Variants in DNER observed in about 807,000 individuals in gnomAD.
DNER encodes delta and Notch-like epidermal growth factor-related receptor.
In DNER, 33 loss-of-function variants were observed where a neutral mutation model predicts 78.2. The ratio of observed to expected loss-of-function variants is 0.42; its 90% CI spans 0.32 to 0.56. DNER has a LOEUF of 0.56. DNER is among the 20% of genes least tolerant of loss of function. The probability of loss-of-function intolerance (pLI) is 0.11; values close to 1 mark genes in which losing one functional copy is unlikely to be tolerated. For synonymous variants in DNER, 417 were observed against 384.8 expected (o/e 1.08, Z -0.98); for missense variants, 918 against 975.3 (o/e 0.94, Z 0.78).
At chr2:229,563,545 A>G (rs1265770799) in intron 4 of DNER, among the ~76,000 whole-genome samples, 1 of 127,134 alleles carries the variant, frequency 7.9e-6, no homozygotes, top group Non-Finnish European at 1.6e-5. Flanking sequence ...TCATCACCCC[A>G]TCACCATCAT....
chr2:229,422,863 C>A (rs1037192602), intron 8 of DNER, among the ~76,000 whole-genome samples: 3 of 152,050 alleles, frequency 2.0e-5, no homozygotes, highest in African/African-American at 7.3e-5. Context: ...AGACACTGGA[C>A]AAGGATTGGG....
At chr2:229,528,701 T>C (rs941210719) in intron 5 of DNER, among the ~76,000 whole-genome samples, 2 of 152,140 alleles carry the variant, frequency 1.3e-5, no homozygotes, top group Non-Finnish European at 2.9e-5. Flanking sequence ...CATAAATATT[T>C]GCTGTCCCCA....
intron 1 of DNER, among the ~76,000 whole-genome samples, chr2:229,636,355 A>T (rs150801459): frequency 1.3e-5 from 2 of 152,244 alleles, no homozygotes; most frequent in Non-Finnish European, 2.9e-5. Flanking sequence ...CATAGGGAAG[A>T]TAGTGTTCAA....
intron 9 of DNER, among the ~76,000 whole-genome samples, chr2:229,413,417 G>C (rs1693571317): frequency 7.1e-6 from 1 of 139,972 alleles, no homozygotes; most frequent in African/African-American, 2.6e-5. Flanking sequence ...CCGCCTCCCG[G>C]GTTCAAGTGA....
At chr2:229,455,754 A>G (rs911773026) in intron 7 of DNER, among the ~76,000 whole-genome samples, 5 of 152,150 alleles carry the variant, frequency 3.3e-5, no homozygotes, top group African/African-American at 1.2e-4. Flanking sequence ...GTTTGTTAAT[A>G]GCAAACACTT....
chr2:229,449,296 C>T (rs550864090), intron 7 of DNER, among the ~76,000 whole-genome samples: 5 of 152,136 alleles, frequency 3.3e-5, no homozygotes, highest in East Asian at 3.9e-4. Context: ...TATATGTTAC[C>T]GTCACTATTT....
At chr2:229,645,381 A>C (rs1698699661) in intron 1 of DNER, among the ~76,000 whole-genome samples, 1 of 152,220 alleles carries the variant, frequency 6.6e-6, no homozygotes. Context: ...AGCAAGTCAT[A>C]GTTAATAGGT....
intron 1 of DNER, among the ~76,000 whole-genome samples, chr2:229,677,718 G>A (rs1034905903): frequency 1.3e-4 from 20 of 152,104 alleles, no homozygotes; most frequent in East Asian, 1.9e-4. Flanking sequence ...TCTCTAATAC[G>A]CAGGTGAAAG....
intron 5 of DNER, among the ~76,000 whole-genome samples, chr2:229,535,099 G>A (rs1363721576): frequency 6.6e-6 from 1 of 152,146 alleles, no homozygotes; most frequent in Non-Finnish European, 1.5e-5. Context: ...GCCTCCCAAA[G>A]TGCTGAGATT....
At position 229,512,837 on chromosome 2, in the gene DNER, T is replaced by A. The variant is rs373356577; in HGVS notation, c.1093A>T (p.Ile365Phe). ...RKPCQNNASC[I>F]DANEKQDGSN... The stretch of plus-strand genomic sequence containing the variant: ...CCATCTTGCTTTTCATTTGCATCAA[T>A]ACAGCTCGCGTTGTTTTGGCAAGGT... Residue 365 changes from isoleucine (I) to phenylalanine (F), a missense_variant, in exon 6 of 13, where the codon ATT becomes TTT. Ile to Phe is a conservative substitution (Grantham distance 21, BLOSUM62 0). Coordinates refer to ENST00000341772, the MANE Select transcript of DNER (RefSeq NM_139072.4). 1 of 1,614,216 alleles carries A rather than the reference T, an allele frequency of 6.2e-7. No individual in the cohort carries two copies. The highest frequency in any genetic ancestry group is 8.5e-7 in the Non-Finnish European group (1 of 1,180,024).
At chr2:229,565,557 G>T (rs1697089204) in intron 4 of DNER, among the ~76,000 whole-genome samples, 1 of 152,086 alleles carries the variant, frequency 6.6e-6, no homozygotes. Context: ...ACTAATACAA[G>T]ACAGATTGGT....
chr2:229,644,315 G>A (rs569036805), intron 1 of DNER, among the ~76,000 whole-genome samples: 1 of 143,624 alleles, frequency 7.0e-6, no homozygotes, highest in East Asian at 2.1e-4. Context: ...CATCAAGTAT[G>A]ATGACTGTCT....
chr2:229,658,448 C>A (rs565022258), intron 1 of DNER, among the ~76,000 whole-genome samples: 1 of 152,306 alleles, frequency 6.6e-6, no homozygotes, highest in East Asian at 1.9e-4. Context: ...CTAAGTGGGA[C>A]CCAAGTGAGA....
rs1489044535 is a variant in DNER, at chr2:229,580,968, C to T, written c.847+4890G>A. On this transcript the variant is annotated intron_variant, in intron 4 of 12. Transcript: ENST00000341772. ...GAGCTAAGTTTGGGGGTCTGAGGCT[C>T]AGACAGAATGGGGGTGGGAGAGGGT... Among the ~76,000 whole-genome samples, 5 of 152,044 alleles carry T rather than the reference C, an allele frequency of 3.3e-5. No homozygotes were observed. The South Asian group carries it at 1.0e-3, about 32-fold the overall frequency.
intron 1 of DNER, among the ~76,000 whole-genome samples, chr2:229,710,986 C>CAT (rs1353631419): frequency 7.0e-6 from 1 of 143,572 alleles, no homozygotes; most frequent in African/African-American, 2.6e-5. Flanking sequence ...TACACGCGCA[C>CAT]ACACACACAC....
intron 6 of DNER, among the ~76,000 whole-genome samples, chr2:229,485,021 A>C (rs1054947474): frequency 5.3e-5 from 8 of 152,236 alleles, no homozygotes; most frequent in African/African-American, 1.9e-4. Context: ...AGGAATTTAT[A>C]ATTGGGATAT....
At chr2:229,596,916 C>T (rs908247630) in intron 1 of DNER, among the ~76,000 whole-genome samples, 2 of 152,206 alleles carry the variant, frequency 1.3e-5, no homozygotes, top group African/African-American at 4.8e-5. Flanking sequence ...AGTGTGTATG[C>T]ACACACATGC....
At chr2:229,609,857 G>A (rs934228418) in intron 1 of DNER, among the ~76,000 whole-genome samples, 7 of 152,192 alleles carry the variant, frequency 4.6e-5, no homozygotes, top group African/African-American at 1.7e-4. Flanking sequence ...AATGAGGCAG[G>A]AGTAATGTCT....
intron 5 of DNER, among the ~76,000 whole-genome samples, chr2:229,529,669 GA>G (rs1389080233): frequency 2.0e-5 from 3 of 151,286 alleles, no homozygotes; most frequent in Non-Finnish European, 4.4e-5. Context: ...AGAATTACAA[GA>G]AAAAAAAGGT....
Sources: gnomAD v4.1 joint callset for allele counts (sites outside exome capture counted in the v4.1 genomes callset) on GRCh38, gnomAD v4.1.1 for gene constraint, MANE v1.5 for transcripts, NCBI Gene and HGNC (gene_info 2026-07-23, HGNC 2026-07-21) for gene names.